The following TFB1M variants were observed in gnomAD, a reference collection of about 807,000 sequenced individuals.
The protein encoded by TFB1M is dimethyladenosine transferase 1, mitochondrial.
TFB1M carries 27 observed loss-of-function variants against 31.1 expected under a neutral mutation model. The observed-to-expected ratio is 0.87, with a 90% CI of 0.64 to 1.20. TFB1M has a LOEUF of 1.20. Among genes scored for constraint, TFB1M ranks in the 50% most tolerant of loss-of-function variants. TFB1M has a pLI of 0.00. For synonymous variants in TFB1M, 166 were observed against 151.8 expected, an observed-to-expected ratio of 1.09 and a Z score of -0.69; for missense variants, 394 against 418.7, an observed-to-expected ratio of 0.94 and a Z score of 0.51.
At chr6:155,254,316 C>T, downstream of TFB1M, 1 of 1,476,962 alleles carries the variant, frequency 6.8e-7, no homozygotes. Context: ...TGGCTGGCAG[C>T]CTGGTCCAGC....
At chr6:155,295,639 G>A (rs1238902220) in intron 4 of TFB1M, among the ~76,000 whole-genome samples, 3 of 152,050 alleles carry the variant, frequency 2.0e-5, no homozygotes, top group Non-Finnish European at 4.4e-5. Context: ...AGTCATCCAT[G>A]TACATTATAC....
At chr6:155,233,436 C>T in the TFB1M span, among the ~76,000 whole-genome samples, 79 of 152,210 alleles carry the variant, frequency 5.2e-4, no homozygotes, top group African/African-American at 1.8e-3. Context: ...CTTCAAAGAC[C>T]GTCAAAGAGG....
chr6:155,290,972 G>T (rs1417733271), intron 4 of TFB1M, among the ~76,000 whole-genome samples: 2 of 152,124 alleles, frequency 1.3e-5, no homozygotes, highest in South Asian at 2.1e-4. Flanking sequence ...GCTCAAGATG[G>T]GGCTGGTCAC....
the TFB1M span, chr6:155,244,219 A>G: frequency 6.2e-6 from 5 of 810,970 alleles, no homozygotes; most frequent in Non-Finnish European, 9.9e-6. Flanking sequence ...AGTCCCAGGC[A>G]TAGCCTCCTC....
chr6:155,266,481 C>T (rs1784636418), intron 5 of TFB1M, among the ~76,000 whole-genome samples: 1 of 152,128 alleles, frequency 6.6e-6, no homozygotes, highest in African/African-American at 2.4e-5. Context: ...GCCTGAGTCC[C>T]TGCTGGATAC....
rs986348450 is a variant in TFB1M, at chr6:155,286,608, T to C, written c.547-1331A>G. ...ATGTATATGTGTGTATATATGTGTG[T>C]ATATATATGTGTATATATGTGTGCA... On this transcript the variant is annotated intron_variant, in intron 4 of 6. Coordinates refer to ENST00000367166, the MANE Select transcript of TFB1M (RefSeq NM_016020.4). Among the ~76,000 whole-genome samples, 4 of 139,904 alleles carry C rather than the reference T, an allele frequency of 2.9e-5. No individual in the cohort carries two copies. The Admixed American group carries it at 2.9e-4, about 10-fold the overall frequency. 91.8% of individuals were successfully genotyped at this position (139,904 alleles called of 152,430 possible).
chr6:155,289,756 G>T (rs540794537), intron 4 of TFB1M, among the ~76,000 whole-genome samples: 11 of 152,308 alleles, frequency 7.2e-5, no homozygotes, highest in African/African-American at 2.6e-4. Flanking sequence ...TACTGTCCCT[G>T]CCCAAATCTC....
At chr6:155,245,046 T>G in the TFB1M span, among the ~76,000 whole-genome samples, 1 of 152,232 alleles carries the variant, frequency 6.6e-6, no homozygotes. Context: ...ACGTGCTCTT[T>G]TCTCAGCTGC....
In TFB1M at chr6:155,262,975, G is replaced by A. The variant is rs958902276; in HGVS notation, c.667-2575C>T. 1.1e-4 allele frequency among the ~76,000 whole-genome samples: 17 copies of A among 152,210 alleles called. 1 individual carries two copies. Among genetic ancestry groups the A allele is most frequent in the Admixed American group, 7.9e-4 (12 of 15,280 alleles). On this transcript the variant is annotated intron_variant, in intron 5 of 6. Transcript: ENST00000367166. The stretch of plus-strand genomic sequence containing the variant: ...GTTAAGTTGGCTTATATTATGTCAC[G>A]GCTAAAAGAGAATTCCCCTCACAAA...
At chr6:155,254,266 C>A, downstream of TFB1M, 1 of 1,069,282 alleles carries the variant, frequency 9.4e-7, no homozygotes, top group Non-Finnish European at 1.3e-6. Flanking sequence ...TTCTCACCTC[C>A]TTCTGTACGG....
At chr6:155,249,966 G>A in the TFB1M span, 18 of 1,612,036 alleles carry the variant, frequency 1.1e-5, 1 homozygote, top group Admixed American at 2.9e-4. Context: ...GAACAGAGAA[G>A]GAGGTCCGTG....
chr6:155,251,497 G>C (rs1192850995), downstream of TFB1M, among the ~76,000 whole-genome samples: 1 of 152,088 alleles, frequency 6.6e-6, no homozygotes, highest in Non-Finnish European at 1.5e-5. Context: ...ATGCTGGCCA[G>C]ACTGGTCTCG....
chr6:155,283,734 CCTATGAGTAAGGAT>C (rs1776495861), intron 5 of TFB1M, among the ~76,000 whole-genome samples: 1 of 152,136 alleles, frequency 6.6e-6, no homozygotes, highest in South Asian at 2.1e-4. Flanking sequence ...ACTATAGAGG[CCTATGAGTAAGGAT>C]CTTGGTTTTT....
At chr6:155,277,813 G>T (rs1170732089) in intron 5 of TFB1M, among the ~76,000 whole-genome samples, 1 of 152,164 alleles carries the variant, frequency 6.6e-6, no homozygotes, top group Admixed American at 6.5e-5. Flanking sequence ...CTGATGCAAA[G>T]AATGATTTCA....
chr6:155,271,529 T>C (rs1463842932), intron 5 of TFB1M, among the ~76,000 whole-genome samples: 1 of 152,222 alleles, frequency 6.6e-6, no homozygotes, highest in East Asian at 1.9e-4. Context: ...TGCTGGGTTT[T>C]CTTTTTTCTT....
rs747175815 is a variant in TFB1M at position 155,275,840 on chromosome 6, A to G, written c.666+9318T>C. ...GAATGTGGATGTGGACTCCAACATC[A>G]TAACAGCCATTGTACAGCTGCACGG... On this transcript the variant is annotated intron_variant, in intron 5 of 6. Transcript: ENST00000367166. 2.0e-5 allele frequency: 33 copies of G among 1,614,130 alleles called. No individual in the cohort carries two copies. In the East Asian group the frequency reaches 4.5e-4, roughly 22 times the overall value.
chr6:155,244,972 C>G, the TFB1M span: 1 of 667,866 alleles, frequency 1.5e-6, no homozygotes, highest in Non-Finnish European at 2.2e-6. Flanking sequence ...TTTTTTTTTC[C>G]TGGCGCAGGT....
the TFB1M span, chr6:155,248,211 CCTGCACAGGGCGGCGAGGGG>C: frequency 3.1e-6 from 5 of 1,602,764 alleles, no homozygotes; most frequent in Admixed American, 1.7e-5. Context: ...CGGGCGAGGG[CCTGCACAGGGCGGCGAGGGG>C]CTGCCAGCCG....
At position 155,289,767 on chromosome 6, in the gene TFB1M, G is replaced by A. The variant is rs537590435; in HGVS notation, c.547-4490C>T. 1.1e-4 allele frequency among the ~76,000 whole-genome samples: 16 copies of A among 152,250 alleles called. No individual in the cohort carries two copies. The East Asian group carries it at 2.1e-3, about 20-fold the overall frequency. On this transcript the variant is annotated intron_variant, in intron 4 of 6. Coordinates refer to ENST00000367166, the MANE Select transcript of TFB1M (RefSeq NM_016020.4). ...GAATTACTGTCCCTGCCCAAATCTC[G>A]CCAAATTGTAATCCCCAATGTTGGA...
Sources: gnomAD v4.1 joint callset for allele counts (sites outside exome capture counted in the v4.1 genomes callset) on GRCh38, gnomAD v4.1.1 for gene constraint, MANE v1.5 for transcripts, NCBI Gene and HGNC (gene_info 2026-07-23, HGNC 2026-07-21) for gene names.